Variants in MSANTD7 observed in about 807,000 individuals in gnomAD.
MSANTD7 encodes the protein Myb/SANT DNA binding domain containing 7.
chr10:14,840,090 G>C, the MSANTD7 span: 9 of 1,431,842 alleles, frequency 6.3e-6, no homozygotes, highest in Non-Finnish European at 8.4e-6. Context: ...TGGATTGGCA[G>C]CAAAACAAAG....
the MSANTD7 span, chr10:14,842,386 G>T: frequency 6.5e-7 from 1 of 1,536,160 alleles, no homozygotes; most frequent in South Asian, 1.2e-5. The surrounding 1 kb of genome is among the most constrained non-coding windows in gnomAD (Gnocchi z 5.2). Flanking sequence ...AGCGCCTCCA[G>T]ACTGTGCATC....
the MSANTD7 span, among the ~76,000 whole-genome samples, chr10:14,839,749 GA>G: frequency 6.6e-6 from 1 of 152,172 alleles, no homozygotes; most frequent in African/African-American, 2.4e-5. Flanking sequence ...GGCTTTCTAT[GA>G]AAACGAGGAA....
the MSANTD7 span, chr10:14,844,713 T>G: frequency 1.0e-6 from 1 of 967,896 alleles, no homozygotes; most frequent in Non-Finnish European, 1.2e-6. Context: ...GGCCATTTTA[T>G]AAAATATTAA....
At chr10:14,841,783 A>T in the MSANTD7 span, among the ~76,000 whole-genome samples, 1 of 152,216 alleles carries the variant, frequency 6.6e-6, no homozygotes, top group African/African-American at 2.4e-5. Flanking sequence ...ATTAGTAAAG[A>T]CTGAGCATCT....
At chr10:14,845,140 G>A in the MSANTD7 span, 180 of 985,380 alleles carry the variant, frequency 1.8e-4, no homozygotes, top group South Asian at 6.7e-3. Context: ...CACACACTGG[G>A]GAGAGATGAA....
the MSANTD7 span, chr10:14,843,249 T>G: frequency 1.6e-6 from 2 of 1,224,984 alleles, no homozygotes; most frequent in African/African-American, 3.0e-5. Context: ...TCCCAGTCCC[T>G]GGTGGAAAGA....
At chr10:14,838,954 G>T in the MSANTD7 span, among the ~76,000 whole-genome samples, 1 of 152,214 alleles carries the variant, frequency 6.6e-6, no homozygotes. Flanking sequence ...GGTACTTGGA[G>T]GCGGTGGTCT....
the MSANTD7 span, chr10:14,842,677 A>G: frequency 1.3e-6 from 2 of 1,536,316 alleles, no homozygotes; most frequent in Non-Finnish European, 1.7e-6. The surrounding 1 kb of genome is among the most constrained non-coding windows in gnomAD (Gnocchi z 5.2). Context: ...CTGACGCCCC[A>G]GGGGAAGAGG....
chr10:14,842,412 A>G, the MSANTD7 span: 5 of 1,536,186 alleles, frequency 3.3e-6, no homozygotes, highest in Admixed American at 2.0e-5. The surrounding 1 kb of genome is among the most constrained non-coding windows in gnomAD (Gnocchi z 5.2). Flanking sequence ...GCAGATGTCT[A>G]TCAGGCTGTG....
chr10:14,839,946 A>G, the MSANTD7 span: 3 of 1,612,898 alleles, frequency 1.9e-6, no homozygotes, highest in East Asian at 2.2e-5. Flanking sequence ...CCGGTGACCG[A>G]GTTACTCCAG....
the MSANTD7 span, among the ~76,000 whole-genome samples, chr10:14,839,594 G>A: frequency 2.0e-5 from 3 of 151,928 alleles, no homozygotes; most frequent in East Asian, 1.9e-4. Context: ...AAAAGAAATG[G>A]TAATGGTAAG....
At chr10:14,840,338 C>G in the MSANTD7 span, among the ~76,000 whole-genome samples, 1 of 152,140 alleles carries the variant, frequency 6.6e-6, no homozygotes, top group African/African-American at 2.4e-5. Context: ...TGGATCTTCT[C>G]TGATATGGGA....
the MSANTD7 span, chr10:14,842,473 C>T: frequency 1.3e-6 from 2 of 1,536,160 alleles, no homozygotes; most frequent in South Asian, 1.2e-5. This position sits in a 1 kb window ranked among gnomAD's most constrained non-coding sequence, Gnocchi z 5.2. Context: ...GTCAGTGCCG[C>T]TCCAAGTTTA....
At chr10:14,839,571 CAAAAAA>C in the MSANTD7 span, among the ~76,000 whole-genome samples, 6 of 79,748 alleles carry the variant, frequency 7.5e-5, no homozygotes, top group African/African-American at 1.8e-4. Flanking sequence ...ACTCCGTGTC[CAAAAAA>C]AAAAAAAAAA....
At chr10:14,842,514 A>T in the MSANTD7 span, 1 of 1,536,128 alleles carries the variant, frequency 6.5e-7, no homozygotes, top group Non-Finnish European at 8.7e-7. This position sits in a 1 kb window ranked among gnomAD's most constrained non-coding sequence, Gnocchi z 5.2. Flanking sequence ...TTAAAGGCCT[A>T]TGTTGCCCAT....
At chr10:14,842,736 C>T in the MSANTD7 span, 7 of 1,536,542 alleles carry the variant, frequency 4.6e-6, no homozygotes, top group Non-Finnish European at 5.2e-6. The surrounding 1 kb of genome is among the most constrained non-coding windows in gnomAD (Gnocchi z 5.2). Flanking sequence ...GATCATCAGC[C>T]TATCTTGAAA....
the MSANTD7 span, among the ~76,000 whole-genome samples, chr10:14,841,859 A>G: frequency 6.6e-6 from 1 of 152,082 alleles, no homozygotes; most frequent in Non-Finnish European, 1.5e-5. Context: ...GGTCCAGGTG[A>G]TTTTCCCTCC....
chr10:14,845,225 T>C, the MSANTD7 span: 2 of 985,316 alleles, frequency 2.0e-6, no homozygotes, highest in Non-Finnish European at 2.4e-6. Context: ...CTTAAAGCTT[T>C]TAGTGATTTA....
chr10:14,842,351 A>G, the MSANTD7 span: 3 of 1,536,180 alleles, frequency 2.0e-6, no homozygotes, highest in Non-Finnish European at 2.6e-6. This position sits in a 1 kb window ranked among gnomAD's most constrained non-coding sequence, Gnocchi z 5.2. Flanking sequence ...TCTTCTCTCC[A>G]TACTAGGCGA....
Sources: allele counts gnomAD v4.1 joint callset (sites outside exome capture counted in the v4.1 genomes callset), GRCh38; gene constraint gnomAD v4.1.1; non-coding constraint Gnocchi (gnomAD v3.1); transcripts MANE v1.5; gene names NCBI Gene and HGNC (gene_info 2026-07-23, HGNC 2026-07-21).